PCDH7: variants seen among roughly 807,000 people sequenced by gnomAD.
PCDH7 encodes protocadherin-7.
In PCDH7, 17 loss-of-function variants were observed where a neutral mutation model predicts 58.9. That is an observed-to-expected ratio of 0.29 (90% CI 0.20 to 0.43). The LOEUF is 0.43. Ranked by LOEUF, PCDH7 falls within the 20% of genes least tolerant of loss-of-function variation. The pLI is 1.00. For missense variants in PCDH7, 1,274 were observed against 1,441.0 expected, an observed-to-expected ratio of 0.88 and a Z score of 1.88; for synonymous variants, 664 against 616.4, an observed-to-expected ratio of 1.08 and a Z score of -1.14.
At position 30,722,499 on chromosome 4, in the gene PCDH7, C is replaced by T; in HGVS notation, c.1077C>T (p.Arg359=). The T allele has an allele frequency of 6.2e-7, 1 of 1,609,796 alleles. No homozygotes were observed. Among genetic ancestry groups the T allele is most frequent in the Non-Finnish European group, 8.5e-7 (1 of 1,178,518 alleles). The change falls in exon 1 of 2, where the codon CGC becomes CGT. Residue 359 remains arginine (R), a synonymous_variant. Coordinates refer to ENST00000361762, the Ensembl canonical transcript of PCDH7. The surrounding 1 kb of genome is among the most constrained non-coding windows in gnomAD (Gnocchi z 7.6). ...CCGAGTCGGTGAGGCGGCTGCTGCG[C>T]CTTGACGAGACGTCCGGCTGGCTCA...
At chr4:30,941,462 A>T (rs1746033170) in intron 2 of PCDH7, among the ~76,000 whole-genome samples, 1 of 152,098 alleles carries the variant, frequency 6.6e-6, no homozygotes, top group Non-Finnish European at 1.5e-5. Flanking sequence ...TTTTGAGTAG[A>T]TTATTACATT....
chr4:30,806,556 G>A (rs780995979), intron 1 of PCDH7, among the ~76,000 whole-genome samples: 1 of 151,566 alleles, frequency 6.6e-6, no homozygotes, highest in African/African-American at 2.4e-5. Flanking sequence ...CACCTGCCTC[G>A]GCTTCCCAAA....
At chr4:31,076,511 T>G (rs1474628024) in intron 3 of PCDH7, among the ~76,000 whole-genome samples, 11 of 152,182 alleles carry the variant, frequency 7.2e-5, no homozygotes, top group African/African-American at 2.7e-4. Flanking sequence ...AATATACCAC[T>G]GGTGTTGAAG....
chr4:30,990,182 A>G (rs1445178155), intron 3 of PCDH7, among the ~76,000 whole-genome samples: 6 of 151,958 alleles, frequency 3.9e-5, no homozygotes, highest in Admixed American at 6.6e-5. Context: ...TTCTTTATAA[A>G]ATTTAAAAAT....
chr4:30,885,584 C>A (rs977551535), intron 1 of PCDH7, among the ~76,000 whole-genome samples: 7 of 152,042 alleles, frequency 4.6e-5, no homozygotes, highest in Non-Finnish European at 5.9e-5. Flanking sequence ...CCCCATCAAG[C>A]TACCAATGAC....
chr4:30,886,587 T>C (rs1394675644), intron 1 of PCDH7, among the ~76,000 whole-genome samples: 1 of 149,280 alleles, frequency 6.7e-6, no homozygotes, highest in Admixed American at 6.6e-5. Context: ...GATCTAGAAG[T>C]AGAAATACCA....
At chr4:31,029,028 G>A (rs917309766) in intron 3 of PCDH7, among the ~76,000 whole-genome samples, 1 of 152,166 alleles carries the variant, frequency 6.6e-6, no homozygotes, top group Non-Finnish European at 1.5e-5. Context: ...AGAAATTTCA[G>A]AAACAATTAC....
intron 2 of PCDH7, among the ~76,000 whole-genome samples, chr4:30,937,452 C>A (rs1040474669): frequency 2.2e-4 from 33 of 152,082 alleles, no homozygotes; most frequent in African/African-American, 7.2e-4. Flanking sequence ...AAGTCACAAC[C>A]TTTCCTCCTG....
intron 1 of PCDH7, among the ~76,000 whole-genome samples, chr4:30,804,454 G>T (rs776261928): frequency 1.3e-5 from 2 of 151,624 alleles, no homozygotes; most frequent in South Asian, 2.1e-4. Context: ...CAGGGGAATC[G>T]CTTGGACCTG....
chr4:30,731,991 A>AT (rs1234032527), exon 2 of PCDH7: 3 of 152,140 alleles, frequency 2.0e-5, no homozygotes, highest in Non-Finnish European at 4.4e-5. Flanking sequence ...AATTCTCAAG[A>AT]TTTTTTGGTG....
intron 1 of PCDH7, among the ~76,000 whole-genome samples, chr4:30,747,358 G>A (rs1053550464): frequency 2.6e-5 from 4 of 151,932 alleles, no homozygotes; most frequent in African/African-American, 9.7e-5. Context: ...AATGAATGCA[G>A]TGTCCGAAAA....
intron 1 of PCDH7, among the ~76,000 whole-genome samples, chr4:30,753,521 G>A (rs1033249053): frequency 6.6e-6 from 1 of 152,198 alleles, no homozygotes; most frequent in African/African-American, 2.4e-5. Context: ...ACGTGCAAAG[G>A]CTAGCAGTAG....
intron 1 of PCDH7, among the ~76,000 whole-genome samples, chr4:30,824,083 C>CT (rs571090590): frequency 5.2e-3 from 57 of 10,860 alleles, no homozygotes; most frequent in South Asian, 0.038. Context: ...GGTTTCTTTT[C>CT]TTTCTTTCTT....
At chr4:30,816,510 T>A (rs1357785573) in intron 1 of PCDH7, among the ~76,000 whole-genome samples, 1 of 152,142 alleles carries the variant, frequency 6.6e-6, no homozygotes, top group African/African-American at 2.4e-5. Context: ...AAATCTGTGC[T>A]GTAATTCTTA....
chr4:31,077,431 GAA>G (rs1759099938), intron 3 of PCDH7, among the ~76,000 whole-genome samples: 2 of 147,656 alleles, frequency 1.4e-5, no homozygotes, highest in East Asian at 4.0e-4. Context: ...AAAAGAAAAA[GAA>G]AAAAAGAAAA....
chr4:30,931,918 T>C (rs1404775840), intron 2 of PCDH7, among the ~76,000 whole-genome samples: 1 of 151,860 alleles, frequency 6.6e-6, no homozygotes, highest in Non-Finnish European at 1.5e-5. Flanking sequence ...AGTGATATAA[T>C]ACTGATTCAT....
intron 3 of PCDH7, among the ~76,000 whole-genome samples, chr4:31,067,484 G>C (rs114460443): frequency 0.018 from 2,788 of 151,834 alleles, 82 homozygotes; most frequent in African/African-American, 0.064. Flanking sequence ...TGAAAAATGA[G>C]GATCGTGCCA....
At chr4:30,750,532 G>C (rs1317118463) in intron 1 of PCDH7, among the ~76,000 whole-genome samples, 2 of 152,124 alleles carry the variant, frequency 1.3e-5, no homozygotes, top group African/African-American at 2.4e-5. Context: ...TCTGTGGCGA[G>C]GTTCATCTAT....
intron 1 of PCDH7, among the ~76,000 whole-genome samples, chr4:30,862,402 C>CCA (rs1734318656): frequency 2.0e-5 from 3 of 152,156 alleles, no homozygotes; most frequent in Admixed American, 6.5e-5. Flanking sequence ...CTGTCTACAT[C>CCA]CACAATGTAG....
Sources: allele counts gnomAD v4.1 joint callset (sites outside exome capture counted in the v4.1 genomes callset), GRCh38; gene constraint gnomAD v4.1.1; non-coding constraint Gnocchi (gnomAD v3.1); transcripts MANE v1.5; gene names NCBI Gene and HGNC (gene_info 2026-07-23, HGNC 2026-07-21).